ASNS: variants seen among roughly 807,000 people sequenced by gnomAD.
The protein encoded by ASNS is asparagine synthetase (glutamine-hydrolyzing).
In ASNS, 37 loss-of-function variants were observed where a neutral mutation model predicts 62.6. The observed-to-expected ratio is 0.59, with a 90% confidence interval of 0.45 to 0.78. The LOEUF is 0.78. Among genes scored for constraint, ASNS ranks in the 30% least tolerant of loss-of-function variants. ASNS has a pLI of 0.00. For missense variants in ASNS, 520 were observed against 682.4 expected (o/e 0.76, Z 2.65); for synonymous variants, 207 against 237.9 (o/e 0.87, Z 1.19).
chr7:97,861,176 C>T (rs1165855504), intron 4 of ASNS, among the ~76,000 whole-genome samples: 1 of 152,100 alleles, frequency 6.6e-6, no homozygotes, highest in Non-Finnish European at 1.5e-5. Flanking sequence ...CGCCCGCCAC[C>T]ACGCCCGGCT....
chr7:97,860,206 G>A (rs1399318532), intron 4 of ASNS, among the ~76,000 whole-genome samples: 2 of 152,184 alleles, frequency 1.3e-5, no homozygotes, highest in Non-Finnish European at 2.9e-5. Flanking sequence ...AGGGAATGGG[G>A]AGTAATTAAA....
At position 97,859,328 on chromosome 7, in the gene ASNS, T is replaced by A; in HGVS notation, c.558A>T (p.Glu186Asp). 1 of 1,614,104 alleles carries A rather than the reference T, an allele frequency of 6.2e-7. No homozygotes were observed. The highest frequency in any genetic ancestry group is 8.5e-7 in the Non-Finnish European group (1 of 1,180,002). The change falls in exon 5 of 13, where the codon GAA (glutamate) becomes GAT (aspartate). Residue 186 changes from glutamate to aspartate, a missense_variant. Coordinates refer to ENST00000394308, the MANE Select transcript of ASNS (RefSeq NM_001673.5). ...TGCCATTTGGCTTTAAATCCAAAAC[T>A]TCATAGTGTCCAGGAAGAAAAGGCT... ...KVEPFLPGHYEVLDLKPNGKV... is the reference protein window; with the variant it reads ...KVEPFLPGHYDVLDLKPNGKV...
chr7:97,882,118 C>G, the ASNS span, among the ~76,000 whole-genome samples: 1 of 152,082 alleles, frequency 6.6e-6, no homozygotes, highest in Non-Finnish European at 1.5e-5. Context: ...TCCCAAAGTA[C>G]TGGGATTACA....
At position 97,851,746 on chromosome 7, in the gene ASNS, CA is replaced by C. The variant is rs1405462932; in HGVS notation, c.*512del. ...AAAAAGCCTGACCCCTGCTCTAGGA[CA>C]AGTCTCCAGAAGTGGCTTTGGCTCA... On this transcript the variant is annotated 3_prime_UTR_variant, in exon 13 of 13. Coordinates refer to ENST00000394308, the MANE Select transcript of ASNS (RefSeq NM_001673.5). The C allele has an allele frequency of 1.3e-5, 2 of 153,490 alleles. No individual in the cohort carries two copies. Among genetic ancestry groups the C allele is most frequent in the Non-Finnish European group, 2.9e-5 (2 of 68,954 alleles). 9.5% of individuals were successfully genotyped at this position (153,490 alleles called of 1,614,324 possible).
At chr7:97,860,772 G>A (rs1157330492) in intron 4 of ASNS, among the ~76,000 whole-genome samples, 3 of 152,164 alleles carry the variant, frequency 2.0e-5, no homozygotes, top group Admixed American at 6.6e-5. Flanking sequence ...TGCTATGCAT[G>A]ATTTGCAAGT....
the ASNS span, among the ~76,000 whole-genome samples, chr7:97,880,443 C>T: frequency 6.6e-6 from 1 of 152,088 alleles, no homozygotes. Context: ...TATGTTACAT[C>T]CATGTGAAAC....
chr7:97,852,873 G>T (rs1032072399), intron 12 of ASNS, among the ~76,000 whole-genome samples, 187 bp downstream of exon 12: 9 of 152,108 alleles, frequency 5.9e-5, no homozygotes, highest in African/African-American at 2.2e-4. Flanking sequence ...TGTTTACAGA[G>T]ACTCTGAATC....
At chr7:97,921,078 C>A in the ASNS span, among the ~76,000 whole-genome samples, 3 of 152,170 alleles carry the variant, frequency 2.0e-5, no homozygotes, top group African/African-American at 7.2e-5. Context: ...TCAGAAAGCA[C>A]ACTAGCCCAG....
upstream of ASNS, among the ~76,000 whole-genome samples, chr7:97,876,553 G>A (rs536111671): frequency 2.1e-3 from 315 of 150,614 alleles, 4 homozygotes; most frequent in South Asian, 0.017. Context: ...TCAGCCTCCT[G>A]AGTAGCTGGG....
chr7:97,900,355 TG>T, the ASNS span, among the ~76,000 whole-genome samples: 2 of 89,032 alleles, frequency 2.2e-5, no homozygotes, highest in Non-Finnish European at 4.3e-5. Context: ...AGCAAGACTT[TG>T]TCTCAAAAAA....
In ASNS at chr7:97,854,621, CAAAT is replaced by C. The variant is rs1197097532; in HGVS notation, c.1193_1196del (p.Tyr398CysfsTer18). 1 of 1,614,098 alleles carries C rather than the reference CAAAT, an allele frequency of 6.2e-7. No homozygotes were observed. On this transcript the variant is annotated frameshift_variant, in exon 10 of 13. Coordinates refer to ENST00000394308, the MANE Select transcript of ASNS (RefSeq NM_001673.5). LOFTEE classifies it high-confidence loss of function. ...TTCGATCTGCGCGGAGAACATCAAA[CAAAT>C]AGAGTTCCCTCAGAAGCCTCTCACT...
At chr7:97,916,584 G>A in the ASNS span, among the ~76,000 whole-genome samples, 68 of 152,252 alleles carry the variant, frequency 4.5e-4, no homozygotes, top group African/African-American at 1.5e-3. Context: ...AATAGGCTGC[G>A]TGCATGTGAA....
chr7:97,882,263 T>A, the ASNS span, among the ~76,000 whole-genome samples: 1 of 152,056 alleles, frequency 6.6e-6, no homozygotes, highest in Non-Finnish European at 1.5e-5. Flanking sequence ...TAAAAACAAC[T>A]CCAGGCCAGG....
chr7:97,856,071 C>T (rs1304803014), intron 8 of ASNS, among the ~76,000 whole-genome samples: 1 of 152,166 alleles, frequency 6.6e-6, no homozygotes, highest in Non-Finnish European at 1.5e-5. Flanking sequence ...CAGAGCTATC[C>T]TGTCTATCTG....
the ASNS span, among the ~76,000 whole-genome samples, chr7:97,891,412 C>G: frequency 1.2e-4 from 18 of 152,204 alleles, no homozygotes; most frequent in African/African-American, 4.3e-4. Flanking sequence ...ATCTCATATC[C>G]TCACATTTCA....
chr7:97,851,944 C>A lies in ASNS; in HGVS notation c.*315G>T. 3.0e-6 allele frequency: 1 copy of A among 336,742 alleles called. No individual in the cohort carries two copies. The highest frequency in any genetic ancestry group is 3.3e-5 in the South Asian group (1 of 29,866). 20.9% of individuals were successfully genotyped at this position (336,742 alleles called of 1,614,324 possible). On this transcript the variant is annotated 3_prime_UTR_variant, in exon 13 of 13. Coordinates refer to ENST00000394308, the MANE Select transcript of ASNS (RefSeq NM_001673.5). ...GATGAGGCAAGGACTGGAAGGAAGC[C>A]ACACGGGCACAAGATGCAAATGTCA...
chr7:97,890,007 A>C, the ASNS span, among the ~76,000 whole-genome samples: 1 of 151,734 alleles, frequency 6.6e-6, no homozygotes, highest in South Asian at 2.1e-4. Context: ...GATAGACAGC[A>C]TAACAAAGAA....
the ASNS span, among the ~76,000 whole-genome samples, chr7:97,878,470 C>T: frequency 8.5e-3 from 1,299 of 152,158 alleles, 25 homozygotes; most frequent in African/African-American, 0.03. Context: ...AAAATCAATG[C>T]GCAAACATCA....
the ASNS span, among the ~76,000 whole-genome samples, chr7:97,922,226 C>T: frequency 6.6e-6 from 1 of 151,894 alleles, no homozygotes; most frequent in African/African-American, 2.4e-5. Context: ...ATTAGTGGAG[C>T]GTGGTGGTGC....
Sources: gnomAD v4.1 joint callset for allele counts (sites outside exome capture counted in the v4.1 genomes callset) on GRCh38, gnomAD v4.1.1 for gene constraint, MANE v1.5 for transcripts, NCBI Gene and HGNC (gene_info 2026-07-23, HGNC 2026-07-21) for gene names.